The following ECE1 variants were observed in gnomAD, a reference collection of about 807,000 sequenced individuals.
ECE1 encodes the protein endothelin converting enzyme 1, also known as endothelin-converting enzyme 1.
Under a neutral mutation model 98.6 loss-of-function variants are expected in ECE1, and 35 were observed. That is an observed-to-expected ratio of 0.35 (90% CI 0.27 to 0.47). ECE1 has a LOEUF of 0.47. ECE1 is among the 20% of genes least tolerant of loss of function. The pLI, the probability that ECE1 is intolerant of heterozygous loss-of-function variation, is 1.00. For missense variants in ECE1, 814 were observed against 1,025.3 expected, an observed-to-expected ratio of 0.79 and a Z score of 2.81; for synonymous variants, 394 against 407.1, an observed-to-expected ratio of 0.97 and a Z score of 0.39.
At chr1:21,264,661 CAG>C (rs1302434157) in intron 4 of ECE1, among the ~76,000 whole-genome samples, 1 of 152,214 alleles carries the variant, frequency 6.6e-6, no homozygotes, top group African/African-American at 2.4e-5. Context: ...GCATCCCCAA[CAG>C]GGGCAATACT....
intron 10 of ECE1, among the ~76,000 whole-genome samples, chr1:21,241,607 G>C (rs990240255): frequency 1.3e-5 from 2 of 152,138 alleles, no homozygotes; most frequent in Middle Eastern, 3.4e-3. Flanking sequence ...AGTTTTAGTA[G>C]AGGCGGGCTT....
At chr1:21,226,978 C>A (rs959099732) in intron 16 of ECE1, among the ~76,000 whole-genome samples, 181 bp downstream of exon 16, 1 of 152,184 alleles carries the variant, frequency 6.6e-6, no homozygotes, top group Admixed American at 6.5e-5. Flanking sequence ...CCAGCCTTGG[C>A]CTCTCACAGC....
chr1:21,227,198 C>T lies in ECE1; in HGVS notation c.1810G>A (p.Val604Ile), dbSNP rs375453974. 15 of 1,614,112 alleles carry T rather than the reference C, an allele frequency of 9.3e-6. No individual in the cohort carries two copies. The highest frequency in any genetic ancestry group is 6.6e-5 in the South Asian group (6 of 91,086). The stretch of plus-strand genomic sequence containing the variant: ...GCATGAGTCAGCTCATGGCCCACGA[C>T]GACACCTATGCCACCAAAGTTTAAG... ...KALNFGGIGVVVGHELTHAFD... is the reference protein window; with the variant it reads ...KALNFGGIGVIVGHELTHAFD... Residue 604 changes from valine to isoleucine, a missense_variant, in exon 16 of 19, where the codon GTC becomes ATC. Around this residue, in one of 3 missense-constraint regions of ECE1, gnomAD observed 452 missense variants for 567.3 expected, o/e 0.80. Coordinates refer to ENST00000374893, the MANE Select transcript of ECE1 (RefSeq NM_001397.3).
Position 21,225,392 on chromosome 1 carries a change from G to A in ECE1, c.1898C>T (p.Ser633Leu), listed in dbSNP as rs1234488970. 6.2e-7 allele frequency: 1 copy of A among 1,614,118 alleles called. No individual in the cohort carries two copies. Among genetic ancestry groups the A allele is most frequent in the Non-Finnish European group, 8.5e-7 (1 of 1,180,056 alleles). The change falls in exon 17 of 19, where the codon TCA (serine) becomes TTA (leucine). Residue 633 changes from serine to leucine, a missense_variant. Physicochemically the swap from Ser to Leu is moderately radical, Grantham distance 145. This residue lies in a region of ECE1 where 452 missense variants were observed against 567.3 expected (regional missense o/e 0.80). Coordinates refer to ENST00000374893, the MANE Select transcript of ECE1 (RefSeq NM_001397.3). This position sits in a 1 kb window ranked among gnomAD's most constrained non-coding sequence, Gnocchi z 5.3. ...DGNLRPWWKN[S>L]SVEAFKRQTE... is the part of the protein sequence containing the mutation. ...CTGACGCTTGAAGGCCTCCACGGAT[G>A]AGTTCTTCCACCATGGCCGGAGGTT...
intron 13 of ECE1, among the ~76,000 whole-genome samples, chr1:21,234,373 G>A (rs1433267333): frequency 6.7e-6 from 1 of 150,262 alleles, no homozygotes; most frequent in African/African-American, 2.5e-5. Flanking sequence ...ATAGCCACCT[G>A]TGGCTAGTAG....
intron 1 of ECE1, among the ~76,000 whole-genome samples, chr1:21,308,316 C>T (rs922645949): frequency 1.3e-5 from 2 of 152,188 alleles, no homozygotes; most frequent in South Asian, 2.1e-4. Flanking sequence ...TGAGGGACAA[C>T]CGGAAGTCTT....
chr1:21,231,829 G>A (rs1046853684), intron 14 of ECE1, among the ~76,000 whole-genome samples: 1 of 152,166 alleles, frequency 6.6e-6, no homozygotes, highest in African/African-American at 2.4e-5. Flanking sequence ...GCCCAGGCTG[G>A]TCTCAAACTT....
At chr1:21,314,394 G>T (rs1228637760) in intron 1 of ECE1, among the ~76,000 whole-genome samples, 1 of 152,150 alleles carries the variant, frequency 6.6e-6, no homozygotes, top group African/African-American at 2.4e-5. Flanking sequence ...CTCCCTCCAG[G>T]GCTTGGCTCA....
chr1:21,272,501 A>C lies in ECE1; in HGVS notation c.493+198T>G, dbSNP rs544371918. ...GAGACAGGGTTTTGCCATGTTGGCC[A>C]GGCTGGTCTTGAACTCCTGGCCTCA... is the stretch of plus-strand genomic sequence containing the variant. On this transcript the variant is annotated intron_variant, in intron 4 of 18. Coordinates refer to ENST00000374893, the MANE Select transcript of ECE1 (RefSeq NM_001397.3). Among the ~76,000 whole-genome samples, 18 of 152,316 alleles carry C rather than the reference A, an allele frequency of 1.2e-4. No homozygotes were observed. The South Asian group carries it at 3.5e-3, about 30-fold the overall frequency.
intron 1 of ECE1, among the ~76,000 whole-genome samples, chr1:21,325,149 A>G (rs1015143646): frequency 1.3e-5 from 2 of 152,164 alleles, no homozygotes; most frequent in Admixed American, 6.5e-5. Context: ...TCATTAGCTG[A>G]CACTAAACAC....
chr1:21,260,831 CA>C lies in ECE1; in HGVS notation c.494-440del, dbSNP rs896282690. On this transcript the variant is annotated intron_variant, in intron 4 of 18. Transcript: ENST00000374893. This position sits in a 1 kb window ranked among gnomAD's most constrained non-coding sequence, Gnocchi z 4.3. ...TAAAGACTGAAGTTGGATGGAAACT[CA>C]AAAGGCTCATTCATTATGAATTTAC... Among the ~76,000 whole-genome samples, 1 of 152,148 alleles carries C rather than the reference CA, an allele frequency of 6.6e-6. No homozygotes were observed. The highest frequency in any genetic ancestry group is 6.5e-5 in the Admixed American group (1 of 15,268).
At chr1:21,228,392 G>C (rs961548637) in intron 14 of ECE1, among the ~76,000 whole-genome samples, 3 of 152,090 alleles carry the variant, frequency 2.0e-5, no homozygotes, top group Non-Finnish European at 2.9e-5. Context: ...GAGAAAACTA[G>C]AAAACACCTG....
chr1:21,232,774 C>T (rs1174534739), intron 14 of ECE1, among the ~76,000 whole-genome samples: 3 of 151,482 alleles, frequency 2.0e-5, no homozygotes, highest in African/African-American at 7.3e-5. Context: ...CGGGTTCAAG[C>T]AATTCTCGTG....
At chr1:21,289,505 A>C (rs2098264137) in intron 2 of ECE1, among the ~76,000 whole-genome samples, 1 of 152,126 alleles carries the variant, frequency 6.6e-6, no homozygotes, top group South Asian at 2.1e-4. Flanking sequence ...CTTCCTTAGT[A>C]GGCTGGAAAA....
rs531786776 is a variant in ECE1 at position 21,219,764 on chromosome 1, C to T, written c.*191G>A. On this transcript the variant is annotated 3_prime_UTR_variant, in exon 19 of 19. Coordinates refer to ENST00000374893, the MANE Select transcript of ECE1 (RefSeq NM_001397.3). This position sits in a 1 kb window ranked among gnomAD's most constrained non-coding sequence, Gnocchi z 4.5. ...ACACGTGTGCCTGGGATGTCCGGCT[C>T]TTCACAGGGGATCAGACTGCGGGTC... is the stretch of plus-strand genomic sequence containing the variant. The T allele has an allele frequency of 1.4e-6, 1 of 706,794 alleles. No homozygotes were observed. Among genetic ancestry groups the T allele is most frequent in the African/African-American group, 1.8e-5 (1 of 57,142 alleles). The allele number at this position is 706,794 out of a possible 1,614,324, so 43.8% of individuals were successfully genotyped here. A position where few individuals can be genotyped will look rare whatever the true frequency, so the allele number is the denominator to read the frequency against.
Position 21,227,176 on chromosome 1 carries a change from T to G in ECE1, c.1832A>C (p.His611Pro). Residue 611 changes from histidine to proline, a missense_variant, in exon 16 of 19, where the codon CAT becomes CCT. Around this residue, in one of 3 missense-constraint regions of ECE1, gnomAD observed 452 missense variants for 567.3 expected, o/e 0.80. Transcript: ENST00000374893. ...ATTCGTACCTTGATCATCAAAAGCA[T>G]GAGTCAGCTCATGGCCCACGACGAC... Reference protein sequence around the residue: ...IGVVVGHELTHAFDDQGREYD... With the variant: ...IGVVVGHELTPAFDDQGREYD... 1 of 1,614,122 alleles carries G rather than the reference T, an allele frequency of 6.2e-7. No homozygotes were observed. Among genetic ancestry groups the G allele is most frequent in the Non-Finnish European group, 8.5e-7 (1 of 1,179,998 alleles).
chr1:21,222,227 A>G, intron 17 of ECE1: 1 of 304,842 alleles, frequency 3.3e-6, no homozygotes, highest in Non-Finnish European at 6.4e-6. Context: ...TGGTACCACC[A>G]TCCATCATCC....
rs2098201376 is a variant in ECE1 at position 21,245,012 on chromosome 1, C to G, written c.1255G>C (p.Glu419Gln). 9.3e-6 allele frequency: 15 copies of G among 1,614,184 alleles called. No individual in the cohort carries two copies. The highest frequency in any genetic ancestry group is 1.3e-5 in the Non-Finnish European group (15 of 1,180,024). ...RFQDADEKFMEVMYGTKKTCL... is the reference protein window; with the variant it reads ...RFQDADEKFMQVMYGTKKTCL... The stretch of plus-strand genomic sequence containing the variant: ...ACCTTCTTGGTCCCGTACATGACTT[C>G]CATGAACTTCTCATCGGCGTCCTGA... The change falls in exon 10 of 19, where the codon GAA becomes CAA. Residue 419 changes from glutamate to glutamine, a missense_variant. By Grantham distance (29) the Glu-to-Gln change is conservative. This residue lies in a region of ECE1 where 452 missense variants were observed against 567.3 expected (regional missense o/e 0.80). Coordinates refer to ENST00000374893, the MANE Select transcript of ECE1 (RefSeq NM_001397.3).
In ECE1 at chr1:21,319,880, T is replaced by C. The variant is rs1319137241; in HGVS notation, c.3+25496A>G. The stretch of plus-strand genomic sequence containing the variant: ...CACACCACTCGCCACCCAGGCTGTC[T>C]TGAGTCCACAGGTGTCCCCACCCCA... On this transcript the variant is annotated intron_variant, in intron 1 of 18. Transcript: ENST00000415912. The surrounding 1 kb of genome is among the most constrained non-coding windows in gnomAD (Gnocchi z 4.4). Among the ~76,000 whole-genome samples the C allele has an allele frequency of 1.3e-5, 2 of 152,276 alleles. No individual in the cohort carries two copies. The highest frequency in any genetic ancestry group is 4.1e-4 in the South Asian group (2 of 4,828).
Sources: allele counts gnomAD v4.1 joint callset (sites outside exome capture counted in the v4.1 genomes callset), GRCh38; gene constraint gnomAD v4.1.1; regional missense constraint gnomAD v4.1.1; non-coding constraint Gnocchi (gnomAD v3.1); transcripts MANE v1.5; gene names NCBI Gene and HGNC (gene_info 2026-07-23, HGNC 2026-07-21).